QRSL1: variants seen among roughly 807,000 people sequenced by gnomAD.
QRSL1 encodes the protein glutaminyl-tRNA amidotransferase subunit QRSL1, also known as glutamyl-tRNA(Gln) amidotransferase subunit A, mitochondrial.
A neutral mutation model predicts 61.6 loss-of-function variants in QRSL1; 54 were observed. The ratio of observed to expected loss-of-function variants is 0.88; its 90% confidence interval spans 0.70 to 1.10. The LOEUF (loss-of-function observed/expected upper bound fraction) is 1.10. QRSL1 is among the 50% of genes least tolerant of loss of function. The probability of loss-of-function intolerance (pLI) is 0.00; values close to 1 mark genes in which losing one functional copy is unlikely to be tolerated. For synonymous variants in QRSL1, 228 were observed against 225.7 expected, an observed-to-expected ratio of 1.01 and a Z score of -0.09; for missense variants, 505 against 622.6, an observed-to-expected ratio of 0.81 and a Z score of 2.01.
At chr6:106,643,667 T>G (rs1777060389) in intron 4 of QRSL1, among the ~76,000 whole-genome samples, 1 of 147,780 alleles carries the variant, frequency 6.8e-6, no homozygotes, top group Non-Finnish European at 1.5e-5. Flanking sequence ...GCTACAAGAG[T>G]GCAACTCTGT....
intron 9 of QRSL1, among the ~76,000 whole-genome samples, chr6:106,661,366 G>A (rs1360602983): frequency 2.0e-5 from 3 of 152,142 alleles, no homozygotes; most frequent in East Asian, 1.9e-4. Context: ...CCGACGCCTC[G>A]GCCTCCCAAA....
chr6:106,654,604 T>A (rs1777239046), intron 7 of QRSL1, 126 bp from the exon 8 acceptor site: 5 of 786,758 alleles, frequency 6.4e-6, no homozygotes, highest in Non-Finnish European at 9.9e-6. Flanking sequence ...TTTATCCTAT[T>A]TTCTAATGTA....
At chr6:106,659,623 A>G (rs976922556) in intron 9 of QRSL1, among the ~76,000 whole-genome samples, 4 of 152,086 alleles carry the variant, frequency 2.6e-5, no homozygotes, top group Non-Finnish European at 5.9e-5. Flanking sequence ...TGAATTTTAC[A>G]TTGTCATTTG....
At position 106,661,124 on chromosome 6, in the gene QRSL1, T is replaced by TG. The variant is rs202028752; in HGVS notation, c.1161-1856_1161-1855insG. ...GTATTTGTTTTGTTTTGTTTTGTTT[T>TG]TTTTTGAGACGGAGTCTTGCTCTGT... On this transcript the variant is annotated intron_variant, in intron 9 of 10. Transcript: ENST00000369046. Among the ~76,000 whole-genome samples, 651 of 151,272 alleles carry TG rather than the reference T, an allele frequency of 4.3e-3. 5 individuals carry two copies. Among genetic ancestry groups the TG allele is most frequent in the Middle Eastern group, 0.024 (7 of 294 alleles).
At chr6:106,658,987 C>T (rs1408268487) in intron 9 of QRSL1, among the ~76,000 whole-genome samples, 1 of 151,972 alleles carries the variant, frequency 6.6e-6, no homozygotes, top group Admixed American at 6.6e-5. Context: ...TTTTCCTTCT[C>T]TGCTTCCTTT....
intron 1 of QRSL1, among the ~76,000 whole-genome samples, chr6:106,633,034 T>C (rs1776862316): frequency 1.3e-5 from 2 of 152,232 alleles, no homozygotes; most frequent in African/African-American, 4.8e-5. Flanking sequence ...TACTTCTCTC[T>C]GGTGTCATTG....
chr6:106,634,897 A>G (rs1412911982), intron 1 of QRSL1, among the ~76,000 whole-genome samples: 2 of 152,164 alleles, frequency 1.3e-5, no homozygotes, highest in African/African-American at 4.8e-5. Flanking sequence ...AAAAGAGAAG[A>G]ATCAAGGAGG....
rs1554200732 is a variant in QRSL1 at position 106,639,116 on chromosome 6, G to GTTTTTTTTTTTTTTT, written c.25-1231_25-1230insTTTTTTTTTTTTTTT. 2.1e-3 allele frequency among the ~76,000 whole-genome samples: 115 copies of GTTTTTTTTTTTTTTT among 54,336 alleles called. 4 individuals are homozygous for GTTTTTTTTTTTTTTT. The highest frequency in any genetic ancestry group is 5.9e-3 in the Admixed American group (31 of 5,254). 35.6% of individuals were successfully genotyped at this position (54,336 alleles called of 152,430 possible). ...ACTTGTGTGGTTATTTGTGTGTTTTGTTGTTTTTTTTTTTTTTTTTTTTTT... is the reference window on the plus strand; with the variant it reads ...ACTTGTGTGGTTATTTGTGTGTTTTGTTTTTTTTTTTTTTTTTGTTTTTTTTTTTTTTTTTTTTTT... On this transcript the variant is annotated intron_variant, in intron 1 of 10. Transcript: ENST00000369046.
chr6:106,648,186 C>G (rs1242422687), intron 4 of QRSL1, among the ~76,000 whole-genome samples: 1 of 151,650 alleles, frequency 6.6e-6, no homozygotes, highest in Admixed American at 6.6e-5. Context: ...GTCCCAGCTA[C>G]TCGGGAGGCT....
chr6:106,645,325 C>T (rs546057181), intron 4 of QRSL1, among the ~76,000 whole-genome samples: 1 of 152,270 alleles, frequency 6.6e-6, no homozygotes, highest in South Asian at 2.1e-4. Flanking sequence ...CATCATAATA[C>T]ATGTCTTCTC....
At chr6:106,647,310 C>T (rs1480705381) in intron 4 of QRSL1, among the ~76,000 whole-genome samples, 3 of 151,982 alleles carry the variant, frequency 2.0e-5, no homozygotes, top group Non-Finnish European at 2.9e-5. Context: ...TGAAACAATG[C>T]TTAATATCGT....
intron 5 of QRSL1, among the ~76,000 whole-genome samples, chr6:106,650,175 C>T (rs1372163379): frequency 6.6e-6 from 1 of 152,144 alleles, no homozygotes. Flanking sequence ...CTGTCCTCAT[C>T]ATCCCACTTA....
At chr6:106,636,285 A>G (rs979699653) in intron 1 of QRSL1, among the ~76,000 whole-genome samples, 17 of 151,948 alleles carry the variant, frequency 1.1e-4, no homozygotes, top group African/African-American at 4.1e-4. Flanking sequence ...TTTGGAAACA[A>G]GATGAGTCCT....
chr6:106,637,266 T>C (rs1292931936), intron 1 of QRSL1, among the ~76,000 whole-genome samples: 1 of 152,092 alleles, frequency 6.6e-6, no homozygotes, highest in Non-Finnish European at 1.5e-5. Flanking sequence ...TTAGTAATGA[T>C]GTATATAGTC....
At chr6:106,638,680 A>T (rs1776961384) in intron 1 of QRSL1, among the ~76,000 whole-genome samples, 1 of 152,018 alleles carries the variant, frequency 6.6e-6, no homozygotes, top group Admixed American at 6.6e-5. Context: ...CTTAAATCGG[A>T]CCTTGCTGCC....
chr6:106,665,882 A>C lies in QRSL1; in HGVS notation c.1467A>C (p.Thr489=), dbSNP rs150920777. Residue 489 remains threonine, a synonymous_variant, in exon 11 of 11, where the codon ACA becomes ACC. Coordinates refer to ENST00000369046, the MANE Select transcript of QRSL1 (RefSeq NM_018292.5). ...GRAFCDQQLL[T]VAKWFEKQVQ... is the part of the protein sequence containing the mutation. The stretch of plus-strand genomic sequence containing the variant: ...CGTTTTGTGACCAGCAGCTTCTTAC[A>C]GTAGCCAAATGGTTTGAAAAACAAG... 6.2e-7 allele frequency: 1 copy of C among 1,614,014 alleles called. No individual in the cohort carries two copies. The highest frequency in any genetic ancestry group is 1.7e-5 in the Admixed American group (1 of 60,028).
chr6:106,643,358 G>T (rs1308816482), intron 4 of QRSL1, among the ~76,000 whole-genome samples: 1 of 152,098 alleles, frequency 6.6e-6, no homozygotes, highest in East Asian at 1.9e-4. Flanking sequence ...CAAATTCTGT[G>T]CCCATTTTTT....
intron 1 of QRSL1, among the ~76,000 whole-genome samples, chr6:106,630,101 A>G (rs890136213): frequency 6.6e-6 from 1 of 152,150 alleles, no homozygotes; most frequent in Non-Finnish European, 1.5e-5. Flanking sequence ...AGTTTGCAAA[A>G]TTCAAATGAG....
At chr6:106,655,953 T>C (rs1045113497) in intron 9 of QRSL1, among the ~76,000 whole-genome samples, 1 of 152,204 alleles carries the variant, frequency 6.6e-6, no homozygotes, top group Non-Finnish European at 1.5e-5. Context: ...CAGTCCTCCA[T>C]ATCTGTGGGT....
Sources: allele counts gnomAD v4.1 joint callset (sites outside exome capture counted in the v4.1 genomes callset), GRCh38; gene constraint gnomAD v4.1.1; transcripts MANE v1.5; gene names NCBI Gene and HGNC (gene_info 2026-07-23, HGNC 2026-07-21).